The following CTNND2 variants were observed in gnomAD, a reference collection of about 807,000 sequenced individuals.
CTNND2 encodes catenin delta 2, also known as catenin delta-2.
In CTNND2, 22 loss-of-function variants were observed where a neutral mutation model predicts 144.4. The ratio of observed to expected loss-of-function variants is 0.15; its 90% CI spans 0.11 to 0.22. The LOEUF is 0.22. Ranked by LOEUF, CTNND2 falls within the 10% of genes least tolerant of loss-of-function variation. CTNND2 has a pLI of 1.00. For synonymous variants in CTNND2, 751 were observed against 695.6 expected, an observed-to-expected ratio of 1.08 and a Z score of -1.25; for missense variants, 1,353 against 1,618.8, an observed-to-expected ratio of 0.84 and a Z score of 2.82.
chr5:11,609,702 G>T (rs1032860047), intron 2 of CTNND2, among the ~76,000 whole-genome samples: 3 of 152,184 alleles, frequency 2.0e-5, no homozygotes, highest in African/African-American at 7.2e-5. Flanking sequence ...CCTTGTCCAT[G>T]TGTCTGAGTG....
intron 16 of CTNND2, among the ~76,000 whole-genome samples, chr5:11,052,899 T>C (rs552769586): frequency 6.6e-6 from 1 of 152,290 alleles, no homozygotes; most frequent in African/African-American, 2.4e-5. Context: ...TAGTGAGGCT[T>C]ATTTTTGGTC....
At chr5:11,287,503 A>G (rs1747874886) in intron 9 of CTNND2, among the ~76,000 whole-genome samples, 1 of 152,208 alleles carries the variant, frequency 6.6e-6, no homozygotes, top group South Asian at 2.1e-4. Context: ...GAGAACACTG[A>G]GTAATACAGA....
chr5:11,740,435 G>A (rs1252288117), intron 1 of CTNND2, among the ~76,000 whole-genome samples: 1 of 152,088 alleles, frequency 6.6e-6, no homozygotes, highest in African/African-American at 2.4e-5. Flanking sequence ...AACAAGAAAT[G>A]GGGAAAGGAT....
At chr5:11,615,162 T>C (rs945148846) in intron 2 of CTNND2, among the ~76,000 whole-genome samples, 5 of 152,176 alleles carry the variant, frequency 3.3e-5, no homozygotes, top group African/African-American at 1.2e-4. Context: ...GCAAAGGTAA[T>C]TGCAAAAGTA....
intron 1 of CTNND2, among the ~76,000 whole-genome samples, chr5:11,744,710 T>C (rs1022212905): frequency 5.3e-5 from 8 of 151,500 alleles, no homozygotes; most frequent in African/African-American, 1.5e-4. Context: ...TGTGTGTGTG[T>C]GCACGTGTGT....
At chr5:11,872,414 G>T (rs1434796451) in intron 1 of CTNND2, among the ~76,000 whole-genome samples, 12 of 152,146 alleles carry the variant, frequency 7.9e-5, no homozygotes, top group Admixed American at 5.9e-4. Flanking sequence ...TGGGATGGCT[G>T]CATCAAATGG....
intron 1 of CTNND2, among the ~76,000 whole-genome samples, chr5:11,786,354 C>A (rs1790829693): frequency 6.6e-6 from 1 of 152,178 alleles, no homozygotes; most frequent in Non-Finnish European, 1.5e-5. Flanking sequence ...TTTATTAACA[C>A]TTTTTAAAGT....
chr5:11,756,869 T>C (rs534913532), intron 1 of CTNND2, among the ~76,000 whole-genome samples: 59 of 151,768 alleles, frequency 3.9e-4, no homozygotes, highest in Middle Eastern at 6.9e-3. Flanking sequence ...CTTTTAGTTG[T>C]TATGTGAAAA....
chr5:11,733,972 A>G (rs1221815853), intron 1 of CTNND2, among the ~76,000 whole-genome samples: 1 of 152,168 alleles, frequency 6.6e-6, no homozygotes, highest in Non-Finnish European at 1.5e-5. Flanking sequence ...GAGGAGATGA[A>G]GTCAAGAGGG....
chr5:11,170,311 C>A (rs72730920), intron 11 of CTNND2, among the ~76,000 whole-genome samples: 1 of 152,136 alleles, frequency 6.6e-6, no homozygotes, highest in Non-Finnish European at 1.5e-5. Flanking sequence ...GTTCCCTTTT[C>A]GCCCAGGTAA....
At chr5:11,281,709 C>T (rs570183514) in intron 9 of CTNND2, among the ~76,000 whole-genome samples, 61 of 152,346 alleles carry the variant, frequency 4.0e-4, no homozygotes, top group Non-Finnish European at 5.9e-4. Context: ...CACCCACTCA[C>T]ATGGTCGTTC....
chr5:11,484,416 A>G (rs1489395906), intron 3 of CTNND2, among the ~76,000 whole-genome samples: 1 of 152,176 alleles, frequency 6.6e-6, no homozygotes, highest in African/African-American at 2.4e-5. Flanking sequence ...AACACAGAGA[A>G]CTCACAAATA....
rs73055788 is a variant in CTNND2 at position 11,308,029 on chromosome 5, C to T, written c.1628+38343G>A. The stretch of plus-strand genomic sequence containing the variant: ...AGACTGCTGTCCCTGAGCCAGTACA[C>T]TGGCCCTCACCACACAACGAACGTG... On this transcript the variant is annotated intron_variant, in intron 9 of 21. Transcript: ENST00000304623. 5.1e-3 allele frequency among the ~76,000 whole-genome samples: 780 copies of T among 152,320 alleles called. 5 individuals are homozygous for T. Among genetic ancestry groups the T allele is most frequent in the African/African-American group, 0.018 (752 of 41,578 alleles).
At chr5:11,870,475 T>C (rs1417220828) in intron 1 of CTNND2, among the ~76,000 whole-genome samples, 1 of 152,204 alleles carries the variant, frequency 6.6e-6, no homozygotes, top group African/African-American at 2.4e-5. Context: ...GTCAGCAAAC[T>C]TGGAGATGAA....
intron 3 of CTNND2, among the ~76,000 whole-genome samples, chr5:11,465,034 C>A (rs1766532803): frequency 6.6e-6 from 1 of 152,116 alleles, no homozygotes; most frequent in African/African-American, 2.4e-5. Context: ...CTCTCTTCTT[C>A]CCCTCCCCCT....
Position 11,286,738 on chromosome 5 carries a change from G to C in CTNND2, c.1629-49915C>G, listed in dbSNP as rs1747799713. The stretch of plus-strand genomic sequence containing the variant: ...TAGAAACTGTCATAAACTGACAGTG[G>C]GAGTATAAAATGGGCCCAAGCATTT... On this transcript the variant is annotated intron_variant, in intron 9 of 21. Coordinates refer to ENST00000304623, the MANE Select transcript of CTNND2 (RefSeq NM_001332.4). Among the ~76,000 whole-genome samples, 3 of 152,306 alleles carry C rather than the reference G, an allele frequency of 2.0e-5. No individual in the cohort carries two copies. In the South Asian group the frequency reaches 6.2e-4, roughly 32 times the overall value.
chr5:11,628,355 A>G (rs6883334), intron 2 of CTNND2, among the ~76,000 whole-genome samples: 75,694 of 152,034 alleles, frequency 0.5, 19,628 homozygotes, highest in Middle Eastern at 0.69. Flanking sequence ...AGCTTAAGTG[A>G]GAAGTGCTTG....
intron 1 of CTNND2, among the ~76,000 whole-genome samples, chr5:11,798,180 G>A (rs1198661560): frequency 6.6e-6 from 1 of 151,376 alleles, no homozygotes; most frequent in Non-Finnish European, 1.5e-5. Context: ...GAGAATCGCT[G>A]GAACCCGGGA....
At chr5:11,329,818 G>T (rs1427620530) in intron 9 of CTNND2, among the ~76,000 whole-genome samples, 1 of 152,176 alleles carries the variant, frequency 6.6e-6, no homozygotes, top group African/African-American at 2.4e-5. Context: ...TCCTGCCATG[G>T]TCCCAAAGCA....
Sources: allele counts gnomAD v4.1 joint callset (sites outside exome capture counted in the v4.1 genomes callset), GRCh38; gene constraint gnomAD v4.1.1; transcripts MANE v1.5; gene names NCBI Gene and HGNC (gene_info 2026-07-23, HGNC 2026-07-21).